Variants in MYH15 observed in about 807,000 individuals in gnomAD.
MYH15 encodes myosin-15.
A neutral mutation model predicts 240.5 loss-of-function variants in MYH15; 227 were observed. That is an observed-to-expected ratio of 0.94 (90% CI 0.85 to 1.05). The LOEUF (loss-of-function observed/expected upper bound fraction) is 1.05, where lower values mean the gene tolerates loss of function less well. MYH15 is among the 50% of genes least tolerant of loss of function. The pLI is 0.00. For missense variants in MYH15, 2,217 were observed against 2,247.5 expected (o/e 0.99, Z 0.27); for synonymous variants, 785 against 796.7 (o/e 0.99, Z 0.25).
At chr3:108,542,206 C>T in the MYH15 span, among the ~76,000 whole-genome samples, 2 of 152,234 alleles carry the variant, frequency 1.3e-5, no homozygotes, top group South Asian at 4.1e-4. Context: ...CTATTATTTA[C>T]ATCTTGGATT....
intron 40 of MYH15, 48 bp downstream of exon 40, chr3:108,383,547 A>G: frequency 2.5e-6 from 4 of 1,593,814 alleles, no homozygotes; most frequent in Non-Finnish European, 3.4e-6. Flanking sequence ...CATCAGCCCT[A>G]AACAAACATG....
intron 16 of MYH15, among the ~76,000 whole-genome samples, chr3:108,460,756 G>A (rs189594968): frequency 1.3e-5 from 2 of 152,178 alleles, no homozygotes; most frequent in Non-Finnish European, 2.9e-5. Flanking sequence ...TTTCTAGGAT[G>A]TTTTTAGATA....
chr3:108,540,576 G>C, the MYH15 span, among the ~76,000 whole-genome samples: 1 of 152,142 alleles, frequency 6.6e-6, no homozygotes, highest in Non-Finnish European at 1.5e-5. Context: ...GAAAAGATCT[G>C]ATAAAATTCC....
Position 108,454,151 on chromosome 3 carries a change from A to G in MYH15, c.2263-9T>C, listed in dbSNP as rs2082999865. 1.9e-6 allele frequency: 3 copies of G among 1,605,376 alleles called. No individual in the cohort carries two copies. The highest frequency in any genetic ancestry group is 2.6e-6 in the Non-Finnish European group (3 of 1,173,840). ...CCAGCTTTAAAAAACACCTAAAGGAAAAGTCAGATGTTAGCTCCACTGATA... is the reference window on the plus strand; with the variant it reads ...CCAGCTTTAAAAAACACCTAAAGGAGAAGTCAGATGTTAGCTCCACTGATA... On this transcript the variant is annotated splice_polypyrimidine_tract_variant and intron_variant, in intron 20 of 40. Coordinates refer to ENST00000693548, the MANE Select transcript of MYH15 (RefSeq NM_014981.3).
Position 108,493,751 on chromosome 3 carries a change from G to C in MYH15, c.712-574C>G, listed in dbSNP as rs564892009. 2.1e-3 allele frequency among the ~76,000 whole-genome samples: 322 copies of C among 152,206 alleles called. 2 individuals carry two copies. The highest frequency in any genetic ancestry group is 7.4e-3 in the African/African-American group (309 of 41,548). On this transcript the variant is annotated intron_variant, in intron 7 of 40. Transcript: ENST00000693548. Reference sequence around the variant, plus strand: ...AATTTAGAAAGTCAGAGAAAGGGGGGGCATAAAATGGAGTCGAAGAGGTAG... The same window carrying C: ...AATTTAGAAAGTCAGAGAAAGGGGGCGCATAAAATGGAGTCGAAGAGGTAG...
rs898232902 is a variant in MYH15 at position 108,518,119 on chromosome 3, C to T, written c.-57-7532G>A. ...ATCTGAGTTCTGAGTGTGTATCACA[C>T]ACCAGGAACTAGGTTAAGTGTTTTA... On this transcript the variant is annotated intron_variant, in intron 1 of 41. Transcript: ENST00000273353. 3.9e-5 allele frequency among the ~76,000 whole-genome samples: 6 copies of T among 152,316 alleles called. No homozygotes were observed. The East Asian group carries it at 1.2e-3, about 29-fold the overall frequency.
intron 22 of MYH15, among the ~76,000 whole-genome samples, chr3:108,444,353 T>A (rs1309269007): frequency 6.6e-6 from 1 of 152,056 alleles, no homozygotes; most frequent in African/African-American, 2.4e-5. Flanking sequence ...ATGGGCTACA[T>A]AGAAACTTTA....
Position 108,399,196 on chromosome 3 carries a change from A to T in MYH15, c.4808T>A (p.Val1603Asp). 6.2e-7 allele frequency: 1 copy of T among 1,614,168 alleles called. No homozygotes were observed. Among genetic ancestry groups the T allele is most frequent in the Non-Finnish European group, 8.5e-7 (1 of 1,180,016 alleles). The change falls in exon 34 of 41, where the codon GTT becomes GAT. Residue 1603 changes from valine to aspartate, a missense_variant. Transcript: ENST00000693548. ...TTCCATCTTCTTCTTCAGCCGGGTA[A>T]CCTCAATTCTGCTCTTAGCTTCAGA... ...LDSEAKSRIE[V>D]TRLKKKMEED...
intron 25 of MYH15, among the ~76,000 whole-genome samples, chr3:108,435,693 C>CATATATAT (rs72262588): frequency 7.0e-6 from 1 of 143,514 alleles, no homozygotes; most frequent in East Asian, 2.0e-4. Context: ...ATTTTATATA[C>CATATATAT]ATATATATAT....
chr3:108,504,921 A>G (rs1663133127), intron 2 of MYH15, among the ~76,000 whole-genome samples: 2 of 152,246 alleles, frequency 1.3e-5, no homozygotes, highest in Admixed American at 1.3e-4. Context: ...CAAAGGTCAT[A>G]GATGACCTCC....
intron 11 of MYH15, among the ~76,000 whole-genome samples, chr3:108,477,820 G>A (rs1383864819): frequency 3.3e-5 from 5 of 152,068 alleles, no homozygotes; most frequent in Non-Finnish European, 7.4e-5. Context: ...AAGAAGTGGA[G>A]AATAAGTATT....
At chr3:108,392,029 C>T in intron 36 of MYH15, 99 bp from the exon 37 acceptor site, 2 of 1,322,658 alleles carry the variant, frequency 1.5e-6, no homozygotes, top group Admixed American at 2.0e-5. Context: ...GGCTGCCACG[C>T]CTTGCCTCTA....
intron 32 of MYH15, among the ~76,000 whole-genome samples, chr3:108,406,441 A>G (rs746564719): frequency 6.6e-6 from 1 of 152,218 alleles, no homozygotes; most frequent in African/African-American, 2.4e-5. Flanking sequence ...TACTACCTTC[A>G]ATATAAAAGA....
intron 2 of MYH15, 84 bp from the exon 3 acceptor site, chr3:108,501,939 ACTC>A: frequency 6.9e-7 from 1 of 1,447,886 alleles, no homozygotes; most frequent in African/African-American, 1.4e-5. Context: ...GAATATTCAG[ACTC>A]AAAAAGAAAA....
Position 108,398,765 on chromosome 3 carries a change from G to A in MYH15, c.5005C>T (p.Arg1669Cys), listed in dbSNP as rs76478083. The A allele has an allele frequency of 7.8e-3, 12,569 of 1,614,146 alleles. 71 individuals carry two copies. The highest frequency in any genetic ancestry group is 0.012 in the Middle Eastern group (71 of 6,056). Residue 1669 changes from arginine to cysteine, a missense_variant, in exon 35 of 41, where the codon CGC (arginine) becomes TGC (cysteine). By Grantham distance (180) the Arg-to-Cys change is radical (BLOSUM62 -3). Transcript: ENST00000693548. ...AGTTCAGACTGAAGAAGAGAGTTGC[G>A]CCGCTCAGCCACAGCCACCTGCTCC... Reference protein sequence around the residue: ...LKEQVAVAERRNSLLQSELED... With the variant: ...LKEQVAVAERCNSLLQSELED...
At chr3:108,451,814 G>A (rs80313396) in intron 21 of MYH15, among the ~76,000 whole-genome samples, 7,340 of 152,048 alleles carry the variant, frequency 0.048, 593 homozygotes, top group African/African-American at 0.17. Flanking sequence ...CTTAACCAAA[G>A]TAAGTTTAAC....
At chr3:108,547,544 T>C in the MYH15 span, among the ~76,000 whole-genome samples, 1 of 149,786 alleles carries the variant, frequency 6.7e-6, no homozygotes, top group Non-Finnish European at 1.5e-5. Flanking sequence ...TAAAAAAAAA[T>C]CAATATGCTT....
Position 108,455,837 on chromosome 3 carries a change from T to C in MYH15, c.2161A>G (p.Thr721Ala), listed in dbSNP as rs745444189. The C allele has an allele frequency of 7.4e-6, 12 of 1,612,744 alleles. No individual in the cohort carries two copies. Among genetic ancestry groups the C allele is most frequent in the Non-Finnish European group, 1.0e-5 (12 of 1,178,932 alleles). ...KQRYCILNPR[T>A]FPKSKFVSSR... ...CTCACAAACTTGCTCTTTGGAAAGG[T>C]CCTTGGATTCAGAATGCAGTACCTA... The change falls in exon 20 of 41, where the codon ACC becomes GCC. Residue 721 changes from threonine to alanine, a missense_variant. Transcript: ENST00000693548.
chr3:108,406,679 A>C (rs950755168), intron 32 of MYH15, among the ~76,000 whole-genome samples: 1 of 152,190 alleles, frequency 6.6e-6, no homozygotes, highest in African/African-American at 2.4e-5. Flanking sequence ...TAAATAACGC[A>C]ATGTTACAAA....
Sources: allele counts gnomAD v4.1 joint callset (sites outside exome capture counted in the v4.1 genomes callset), GRCh38; gene constraint gnomAD v4.1.1; transcripts MANE v1.5; gene names NCBI Gene and HGNC (gene_info 2026-07-23, HGNC 2026-07-21).